CEBPE: variants seen among roughly 807,000 people sequenced by gnomAD.
CEBPE encodes the protein CCAAT enhancer binding protein epsilon.
CEBPE carries 10 observed loss-of-function variants against 20.4 expected under a neutral mutation model. The ratio of observed to expected loss-of-function variants is 0.49; its 90% CI spans 0.30 to 0.83. CEBPE has a LOEUF of 0.83. Ranked by LOEUF, CEBPE falls within the 40% of genes least tolerant of loss-of-function variation. The probability of loss-of-function intolerance (pLI) is 0.06; values close to 1 mark genes in which losing one functional copy is unlikely to be tolerated. For missense variants in CEBPE, 389 were observed against 383.3 expected (o/e 1.01, Z -0.12); for synonymous variants, 179 against 162.6 (o/e 1.10, Z -0.77).
In CEBPE at chr14:23,117,349, T is replaced by A; in HGVS notation, c.*138A>T. 1 of 812,596 alleles carries A rather than the reference T, an allele frequency of 1.2e-6. No homozygotes were observed. Among genetic ancestry groups the A allele is most frequent in the Non-Finnish European group, 2.0e-6 (1 of 498,236 alleles). 50.3% of individuals were successfully genotyped at this position (812,596 alleles called of 1,614,324 possible). The stretch of plus-strand genomic sequence containing the variant: ...TTATTCAGCCATATAATCATTATGC[T>A]GGGTCCTGCCCTCTTTGCCACCCCG... On this transcript the variant is annotated 3_prime_UTR_variant, in exon 2 of 2. Transcript: ENST00000206513.
At position 23,117,463 on chromosome 14, in the gene CEBPE, G is replaced by T; in HGVS notation, c.*24C>A. 6.3e-7 allele frequency: 1 copy of T among 1,598,446 alleles called. No homozygotes were observed. Among genetic ancestry groups the T allele is most frequent in the Non-Finnish European group, 8.5e-7 (1 of 1,173,890 alleles). ...GAGTTAGGCCGTGCCAGGGAGCCTG[G>T]TGCCCACAATCCACCAGCCAGCCTC... is the stretch of plus-strand genomic sequence containing the variant. On this transcript the variant is annotated 3_prime_UTR_variant, in exon 2 of 2. Transcript: ENST00000206513.
Position 23,117,426 on chromosome 14 carries a change from T to A in CEBPE, c.*61A>T. The A allele has an allele frequency of 6.5e-7, 1 of 1,533,644 alleles. No individual in the cohort carries two copies. Among genetic ancestry groups the A allele is most frequent in the Non-Finnish European group, 8.8e-7 (1 of 1,132,768 alleles). ...TCAGGGTTCTAGGCCCCCAGCAGGA[T>A]GGGGGTCCGCAGAGTTAGGCCGTGC... On this transcript the variant is annotated 3_prime_UTR_variant, in exon 2 of 2. Transcript: ENST00000206513.
rs1308888249 is a variant in CEBPE, at chr14:23,118,864, G to A, written c.228C>T (p.Ala76=). The A allele has an allele frequency of 6.8e-6, 11 of 1,614,060 alleles. No individual in the cohort carries two copies. The highest frequency in any genetic ancestry group is 9.3e-6 in the Non-Finnish European group (11 of 1,179,974). Residue 76 remains alanine (A), a synonymous_variant, in exon 1 of 2, where the codon GCC becomes GCT. Transcript: ENST00000206513. The surrounding 1 kb of genome is among the most constrained non-coding windows in gnomAD (Gnocchi z 5.5). ...GGTCAGGCGGCAAGTAGTGGGGGAAGGCAGGGGTTCCGGGGCCCTTGAGGC... is the reference window on the plus strand; with the variant it reads ...GGTCAGGCGGCAAGTAGTGGGGGAAAGCAGGGGTTCCGGGGCCCTTGAGGC... ...ARGLKGPGTP[A]FPHYLPPDPR... is the part of the protein sequence containing the mutation.
In CEBPE at chr14:23,119,019, C is replaced by A. The variant is rs1247133860; in HGVS notation, c.73G>T (p.Ala25Ser). 6.2e-7 allele frequency: 1 copy of A among 1,613,188 alleles called. No individual in the cohort carries two copies. Among genetic ancestry groups the A allele is most frequent in the Non-Finnish European group, 8.5e-7 (1 of 1,179,924 alleles). ...QQPLEFSGGR[A>S]GPGELGDMCE... ...ATGTCCCCTAGCTCCCCGGGCCCAG[C>A]TCGGCCCCCTGAGAACTCGAGTGGC... is the stretch of plus-strand genomic sequence containing the variant. The change falls in exon 1 of 2, where the codon GCT becomes TCT. Residue 25 changes from alanine to serine, a missense_variant. Transcript: ENST00000206513.
chr14:23,117,669 G>A lies in CEBPE; in HGVS notation c.664C>T (p.Arg222Ter). The change falls in exon 2 of 2, where the codon CGA (arginine) becomes TGA (stop). Residue 222 changes from arginine to a stop codon, truncating the protein, a stop_gained. Transcript: ENST00000206513. LOFTEE classifies it high-confidence loss of function. ...AGAATGCGCCTCTTGGCCTTGTCTC[G>A]GCTCTTGCGCACGGCGATGTTGTTG... ...ERNNIAVRKSRDKAKRRILET... is the reference protein window; with the variant it reads ...ERNNIAVRKS 1 of 1,614,166 alleles carries A rather than the reference G, an allele frequency of 6.2e-7. No individual in the cohort carries two copies. The highest frequency in any genetic ancestry group is 8.5e-7 in the Non-Finnish European group (1 of 1,180,030).
In CEBPE at chr14:23,117,582, C is replaced by T. The variant is rs748972715; in HGVS notation, c.751G>A (p.Glu251Lys). ...GTGTCTAGCTCCTGGGTGAGCTGCT[C>T]CACGCGGCTGCGGAGGCGCTCGTTC... ...AENERLRSRV[E>K]QLTQELDTLR... Residue 251 changes from glutamate (E) to lysine (K), a missense_variant, in exon 2 of 2, where the codon GAG (glutamate) becomes AAG (lysine). Glu to Lys is a moderately conservative substitution (Grantham distance 56). Coordinates refer to ENST00000206513, the MANE Select transcript of CEBPE (RefSeq NM_001805.4). The T allele has an allele frequency of 6.2e-7, 1 of 1,614,078 alleles. No individual in the cohort carries two copies.
In CEBPE at chr14:23,118,915, G is replaced by C. The variant is rs141320203; in HGVS notation, c.177C>G (p.Ala59=). The part of the protein sequence containing the change: ...GEEQLLSDLF[A]VKPAPEARGL... ...CTCTGGCCTCAGGCGCTGGCTTCAC[G>C]GCAAAGAGATCGGAGAGAAGCTGCT... is the stretch of plus-strand genomic sequence containing the variant. Residue 59 remains alanine, a synonymous_variant, in exon 1 of 2, where the codon GCC becomes GCG. Transcript: ENST00000206513. The surrounding 1 kb of genome is among the most constrained non-coding windows in gnomAD (Gnocchi z 5.5). 188 of 1,613,938 alleles carry C rather than the reference G, an allele frequency of 1.2e-4. No individual in the cohort carries two copies. The highest frequency in any genetic ancestry group is 3.3e-4 in the Middle Eastern group (2 of 6,074).
rs1156813183 is a variant in CEBPE at position 23,117,456 on chromosome 14, G to T, written c.*31C>A. On this transcript the variant is annotated 3_prime_UTR_variant, in exon 2 of 2. Transcript: ENST00000206513. Reference sequence around the variant, plus strand: ...GTCCGCAGAGTTAGGCCGTGCCAGGGAGCCTGGTGCCCACAATCCACCAGC... The same window carrying T: ...GTCCGCAGAGTTAGGCCGTGCCAGGTAGCCTGGTGCCCACAATCCACCAGC... 1 of 1,589,778 alleles carries T rather than the reference G, an allele frequency of 6.3e-7. No homozygotes were observed.
chr14:23,119,199 T>G lies in CEBPE; in HGVS notation c.-108A>C. 1 of 750,792 alleles carries G rather than the reference T, an allele frequency of 1.3e-6. No individual in the cohort carries two copies. The highest frequency in any genetic ancestry group is 1.6e-5 in the South Asian group (1 of 61,034). 46.5% of individuals were successfully genotyped at this position (750,792 alleles called of 1,614,324 possible). A position where few individuals can be genotyped will look rare whatever the true frequency, so the allele number is the denominator to read the frequency against. ...CCTCCTGACCTGGGCCTGCCCTCTC[T>G]CGATCTTCTGCCCTAGACCTGCCCT... On this transcript the variant is annotated 5_prime_UTR_variant, in exon 1 of 2. Coordinates refer to ENST00000206513, the MANE Select transcript of CEBPE (RefSeq NM_001805.4).
chr14:23,117,501 C>G lies in CEBPE; in HGVS notation c.832G>C (p.Gly278Arg). The G allele has an allele frequency of 1.9e-6, 3 of 1,612,614 alleles. No homozygotes were observed. The highest frequency in any genetic ancestry group is 2.5e-6 in the Non-Finnish European group (3 of 1,179,678). ...PEAANLIKGV[G>R]GCS ...ACCAGCCAGCCTCAGCTGCAACCCC[C>G]CACGCCCTTGATGAGGTTGGCCGCC... is the stretch of plus-strand genomic sequence containing the variant. The change falls in exon 2 of 2, where the codon GGG becomes CGG. Residue 278 changes from glycine (G) to arginine (R), a missense_variant. By Grantham distance (125) the Gly-to-Arg change is moderately radical. Transcript: ENST00000206513.
In CEBPE at chr14:23,117,710, C is replaced by T. The variant is rs763046578; in HGVS notation, c.623G>A (p.Arg208Gln). The T allele has an allele frequency of 3.7e-6, 6 of 1,614,084 alleles. No individual in the cohort carries two copies. The highest frequency in any genetic ancestry group is 2.2e-5 in the South Asian group (2 of 91,094). The change falls in exon 2 of 2, where the codon CGG (arginine) becomes CAG (glutamine). Residue 208 changes from arginine (R) to glutamine (Q), a missense_variant. Physicochemically the swap from Arg to Gln is conservative, Grantham distance 43. This residue lies in a region of CEBPE where 294 missense variants were observed against 279.7 expected (regional missense o/e 1.05). Transcript: ENST00000206513. ...KAVNKDSLEYRLRRERNNIAV... is the reference protein window; with the variant it reads ...KAVNKDSLEYQLRRERNNIAV... ...GATGTTGTTGCGCTCCCGCCTCAGC[C>T]GGTACTCAAGGCTATCTTTGTTCAC...
In CEBPE at chr14:23,119,095, C is replaced by T. The variant is rs562273588; in HGVS notation, c.-4G>A. 939 of 1,590,536 alleles carry T rather than the reference C, an allele frequency of 5.9e-4. 1 individual carries two copies. The highest frequency in any genetic ancestry group is 7.3e-4 in the Non-Finnish European group (860 of 1,171,340). ...CGTAGTAGGTCCCGTGGGACATGGCCGGCCCGCCCCCTCGGCTCCCCGCCC... is the reference window on the plus strand; with the variant it reads ...CGTAGTAGGTCCCGTGGGACATGGCTGGCCCGCCCCCTCGGCTCCCCGCCC... On this transcript the variant is annotated 5_prime_UTR_variant, in exon 1 of 2. Transcript: ENST00000206513.
In CEBPE at chr14:23,117,772, G is replaced by C; in HGVS notation, c.561C>G (p.Pro187=). The change falls in exon 2 of 2, where the codon CCC becomes CCG. Residue 187 remains proline (P), a synonymous_variant. Transcript: ENST00000206513. ...APPCSPLLKA[P]SPAGPLHKGK... ...CCTTGTGTAAGGGGCCAGCCGGGGA[G>C]GGCGCCTTCAGGAGGGGACTGCAGG... 1.2e-6 allele frequency: 2 copies of C among 1,612,750 alleles called. No individual in the cohort carries two copies. Among genetic ancestry groups the C allele is most frequent in the South Asian group, 2.2e-5 (2 of 91,070 alleles).
chr14:23,117,604 G>T lies in CEBPE; in HGVS notation c.729C>A (p.Asn243Lys). 1 of 1,614,114 alleles carries T rather than the reference G, an allele frequency of 6.2e-7. No individual in the cohort carries two copies. Among genetic ancestry groups the T allele is most frequent in the Non-Finnish European group, 8.5e-7 (1 of 1,180,050 alleles). The change falls in exon 2 of 2, where the codon AAC becomes AAA. Residue 243 changes from asparagine (N) to lysine (K), a missense_variant. Coordinates refer to ENST00000206513, the MANE Select transcript of CEBPE (RefSeq NM_001805.4). ...QQKVLEYMAE[N>K]ERLRSRVEQL... is the part of the protein sequence containing the mutation. ...GCTCCACGCGGCTGCGGAGGCGCTC[G>T]TTCTCTGCCATGTACTCCAGCACCT...
rs368474011 is a variant in CEBPE at position 23,118,741 on chromosome 14, A to G, written c.351T>C (p.Ala117=). The part of the protein sequence containing the change: ...YSSPGSYDPR[A]VAVKEEPRGP... ...CCCGGGGCTCCTCCTTCACCGCCAC[A>G]GCCCTGGGGTCGTAGCTCCCTGGGC... The change falls in exon 1 of 2, where the codon GCT becomes GCC. Residue 117 remains alanine, a synonymous_variant. Coordinates refer to ENST00000206513, the MANE Select transcript of CEBPE (RefSeq NM_001805.4). This position sits in a 1 kb window ranked among gnomAD's most constrained non-coding sequence, Gnocchi z 5.5. The G allele has an allele frequency of 3.1e-6, 5 of 1,612,904 alleles. No homozygotes were observed. Among genetic ancestry groups the G allele is most frequent in the South Asian group, 1.1e-5 (1 of 91,022 alleles).
rs960615067 is a variant in CEBPE at position 23,118,064 on chromosome 14, C to G, written c.511-242G>C. 2.6e-5 allele frequency among the ~76,000 whole-genome samples: 4 copies of G among 152,086 alleles called. No individual in the cohort carries two copies. Among genetic ancestry groups the G allele is most frequent in the African/African-American group, 9.7e-5 (4 of 41,414 alleles). Reference sequence around the variant, plus strand: ...CCTTTCATGTTCTCACACTTTCTTTCTTTCTTTTTTTGTAAAGATGGAGCC... The same window carrying G: ...CCTTTCATGTTCTCACACTTTCTTTGTTTCTTTTTTTGTAAAGATGGAGCC... On this transcript the variant is annotated intron_variant, in intron 1 of 1. Transcript: ENST00000206513. The surrounding 1 kb of genome is among the most constrained non-coding windows in gnomAD (Gnocchi z 5.5).
In CEBPE at chr14:23,119,219, T is replaced by C. The variant is rs2048527662; in HGVS notation, c.-128A>G. 1 of 668,292 alleles carries C rather than the reference T, an allele frequency of 1.5e-6. No individual in the cohort carries two copies. Among genetic ancestry groups the C allele is most frequent in the Admixed American group, 2.5e-5 (1 of 39,904 alleles). The allele number at this position is 668,292 out of a possible 1,614,324, so 41.4% of individuals were successfully genotyped here. ...CTCTCTCGATCTTCTGCCCTAGACC[T>C]GCCCTCTGCAGTCTCCTCTGTCACC... On this transcript the variant is annotated 5_prime_UTR_variant, in exon 1 of 2. Transcript: ENST00000206513.
rs200723095 is a variant in CEBPE at position 23,119,058 on chromosome 14, G to A, written c.34C>T (p.Arg12Trp). ...SHGTYYECEP[R>W]GGQQPLEFSG... ...AACTCGAGTGGCTGCTGGCCACCCC[G>A]GGGCTCACACTCGTAGTAGGTCCCG... Residue 12 changes from arginine (R) to tryptophan (W), a missense_variant, in exon 1 of 2, where the codon CGG becomes TGG. By Grantham distance (101) the Arg-to-Trp change is moderately radical. Transcript: ENST00000206513. 487 of 1,609,690 alleles carry A rather than the reference G, an allele frequency of 3.0e-4. 2 individuals are homozygous for A. Among genetic ancestry groups the A allele is most frequent in the Non-Finnish European group, 3.1e-5 (37 of 1,179,220 alleles).
In CEBPE at chr14:23,117,582, C is replaced by G. The variant is rs748972715; in HGVS notation, c.751G>C (p.Glu251Gln). The change falls in exon 2 of 2, where the codon GAG becomes CAG. Residue 251 changes from glutamate (E) to glutamine (Q), a missense_variant. Physicochemically the swap from Glu to Gln is conservative, Grantham distance 29. Coordinates refer to ENST00000206513, the MANE Select transcript of CEBPE (RefSeq NM_001805.4). ...GTGTCTAGCTCCTGGGTGAGCTGCT[C>G]CACGCGGCTGCGGAGGCGCTCGTTC... ...AENERLRSRV[E>Q]QLTQELDTLR... is the part of the protein sequence containing the mutation. The G allele has an allele frequency of 3.1e-6, 5 of 1,613,960 alleles. No individual in the cohort carries two copies. In the East Asian group the frequency reaches 1.1e-4, roughly 36 times the overall value.
Sources: gnomAD v4.1 joint callset for allele counts (sites outside exome capture counted in the v4.1 genomes callset) on GRCh38, gnomAD v4.1.1 for gene constraint, gnomAD v4.1.1 regional missense constraint, Gnocchi (gnomAD v3.1) non-coding constraint, MANE v1.5 for transcripts, NCBI Gene and HGNC (gene_info 2026-07-23, HGNC 2026-07-21) for gene names.